The following CRACDL variants were observed in gnomAD, a reference collection of about 807,000 sequenced individuals.
CRACDL encodes CRACD like.
Under a neutral mutation model 70.6 loss-of-function variants are expected in CRACDL, and 26 were observed. The ratio of observed to expected loss-of-function variants is 0.37; its 90% CI spans 0.27 to 0.51. The LOEUF is 0.51. Among genes scored for constraint, CRACDL ranks in the 20% least tolerant of loss-of-function variants. CRACDL has a pLI of 0.94. For missense variants in CRACDL, 1,283 were observed against 1,376.9 expected, an observed-to-expected ratio of 0.93 and a Z score of 1.08; for synonymous variants, 618 against 615.2, an observed-to-expected ratio of 1.00 and a Z score of -0.07.
chr2:98,833,067 A>C, intron 3 of CRACDL, 70 bp from the exon 4 acceptor site: 2 of 1,433,134 alleles, frequency 1.4e-6, no homozygotes, highest in Non-Finnish European at 1.9e-6. Flanking sequence ...GCTCAGAATG[A>C]GAAAGAGGGA....
At chr2:98,923,776 T>C (rs1293276761) in intron 1 of CRACDL, among the ~76,000 whole-genome samples, 1 of 152,242 alleles carries the variant, frequency 6.6e-6, no homozygotes, top group Non-Finnish European at 1.5e-5. Context: ...TGTGAAAACA[T>C]AGTTACTGTC....
intron 1 of CRACDL, among the ~76,000 whole-genome samples, chr2:98,931,829 G>A (rs2104710730): frequency 6.6e-6 from 1 of 152,276 alleles, no homozygotes; most frequent in South Asian, 2.1e-4. Context: ...TACATCACAT[G>A]CCTGTCTTAT....
At chr2:98,933,994 C>A (rs1190382386) in intron 1 of CRACDL, among the ~76,000 whole-genome samples, 1 of 152,080 alleles carries the variant, frequency 6.6e-6, no homozygotes, top group Admixed American at 6.5e-5. Flanking sequence ...AAGGGACGAG[C>A]GAGCTCCTTG....
chr2:98,898,296 A>G (rs1417398568), intron 1 of CRACDL, among the ~76,000 whole-genome samples: 3 of 152,272 alleles, frequency 2.0e-5, no homozygotes, highest in Non-Finnish European at 2.9e-5. Flanking sequence ...TTGGTATGCA[A>G]TGTGGGGGCC....
intron 3 of CRACDL, among the ~76,000 whole-genome samples, chr2:98,837,207 A>G (rs1208297017): frequency 1.3e-4 from 5 of 37,126 alleles, no homozygotes; most frequent in East Asian, 1.3e-3. Context: ...CCCAAAACTG[A>G]AAAAAAAAAA....
At position 98,823,811 on chromosome 2, in the gene CRACDL, C is replaced by T. The variant is rs1422638881; in HGVS notation, c.736-274G>A. On this transcript the variant is annotated intron_variant, in intron 6 of 9. Transcript: ENST00000397899. The surrounding 1 kb of genome is among the most constrained non-coding windows in gnomAD (Gnocchi z 4.0). ...CCTCAAAACCAGTGGACTAGAGTAACGCCAAGGGAAGGCGACCAACAGCAG... is the reference window on the plus strand; with the variant it reads ...CCTCAAAACCAGTGGACTAGAGTAATGCCAAGGGAAGGCGACCAACAGCAG... Among the ~76,000 whole-genome samples, 1 of 152,212 alleles carries T rather than the reference C, an allele frequency of 6.6e-6. No homozygotes were observed. The highest frequency in any genetic ancestry group is 1.5e-5 in the Non-Finnish European group (1 of 68,042).
intron 1 of CRACDL, among the ~76,000 whole-genome samples, chr2:98,912,531 C>T (rs114053888): frequency 3.3e-3 from 508 of 152,352 alleles, no homozygotes; most frequent in African/African-American, 0.012. Context: ...CATCTATGAT[C>T]GGGCTTGTGC....
At chr2:98,810,667 C>T (rs1460227030) in intron 7 of CRACDL, among the ~76,000 whole-genome samples, 1 of 152,110 alleles carries the variant, frequency 6.6e-6, no homozygotes, top group Non-Finnish European at 1.5e-5. Context: ...GAAATAGTCT[C>T]TATTCTGCTG....
At chr2:98,904,875 C>T (rs1167962246) in intron 1 of CRACDL, among the ~76,000 whole-genome samples, 6 of 152,182 alleles carry the variant, frequency 3.9e-5, no homozygotes, top group African/African-American at 1.2e-4. Context: ...GGAAGCACTC[C>T]GGTCGCGGGG....
chr2:98,822,078 G>A lies in CRACDL; in HGVS notation c.2195C>T (p.Thr732Met), dbSNP rs748686808. 5.8e-6 allele frequency: 9 copies of A among 1,554,670 alleles called. No homozygotes were observed. The East Asian group carries it at 9.7e-5, about 17-fold the overall frequency. Residue 732 changes from threonine to methionine, a missense_variant, in exon 7 of 10, where the codon ACG (threonine) becomes ATG (methionine). Coordinates refer to ENST00000397899, the MANE Select transcript of CRACDL (RefSeq NM_207362.3). The surrounding 1 kb of genome is among the most constrained non-coding windows in gnomAD (Gnocchi z 4.9). ...CCTGGTGCCTCGAAGGGCGGGGGCC[G>A]TCCCGAGGGGACACTTCTCCTCCTT... is the stretch of plus-strand genomic sequence containing the variant. Reference protein sequence around the residue: ...LPKEEKCPLGTAPALRGTRAP... With the variant: ...LPKEEKCPLGMAPALRGTRAP...
chr2:98,828,611 C>T (rs577030349), intron 5 of CRACDL, among the ~76,000 whole-genome samples: 2 of 152,210 alleles, frequency 1.3e-5, no homozygotes, highest in East Asian at 1.9e-4. Flanking sequence ...GGCTTCGATA[C>T]GGGAGGAACA....
chr2:98,805,800 C>G (rs1704266486), intron 7 of CRACDL, among the ~76,000 whole-genome samples: 1 of 152,218 alleles, frequency 6.6e-6, no homozygotes, highest in African/African-American at 2.4e-5. Context: ...AAGGGCTCCT[C>G]AGCCGGCTCT....
intron 1 of CRACDL, among the ~76,000 whole-genome samples, chr2:98,852,268 T>C (rs965063155): frequency 6.6e-6 from 1 of 152,164 alleles, no homozygotes; most frequent in Non-Finnish European, 1.5e-5. Flanking sequence ...AGGCAGAAGA[T>C]AACAGCTGGG....
rs529172655 is a variant in CRACDL at position 98,889,727 on chromosome 2, A to G, written c.-10-42917T>C. On this transcript the variant is annotated intron_variant, in intron 1 of 9. Coordinates refer to ENST00000397899, the MANE Select transcript of CRACDL (RefSeq NM_207362.3). ...GAATTCACATTCTTCTCAAAGGCAC[A>G]TGGAACATTATCCAGGATAGACCAT... 3.9e-5 allele frequency among the ~76,000 whole-genome samples: 6 copies of G among 152,352 alleles called. No individual in the cohort carries two copies. The East Asian group carries it at 1.2e-3, about 29-fold the overall frequency.
intron 1 of CRACDL, among the ~76,000 whole-genome samples, chr2:98,921,201 G>A (rs369865092): frequency 1.3e-5 from 2 of 152,278 alleles, no homozygotes; most frequent in East Asian, 3.9e-4. Context: ...TAAGTTCTCA[G>A]CCCCAGTCAC....
intron 9 of CRACDL, among the ~76,000 whole-genome samples, chr2:98,795,612 T>C (rs1575311714): frequency 6.6e-6 from 1 of 152,158 alleles, no homozygotes; most frequent in Non-Finnish European, 1.5e-5. Context: ...AGGGAAATAT[T>C]GTAAAATTAG....
chr2:98,866,472 C>CTTTTTTTTTTTTTTTTTTTTTT (rs869154325), intron 1 of CRACDL, among the ~76,000 whole-genome samples: 1 of 107,812 alleles, frequency 9.3e-6, no homozygotes, highest in Admixed American at 1.1e-4. Flanking sequence ...ACAATCACTT[C>CTTTTTTTTTTTTTTTTTTTTTT]TTCTTTTTTT....
chr2:98,841,187 T>A (rs1181001397), intron 2 of CRACDL, among the ~76,000 whole-genome samples: 1 of 152,172 alleles, frequency 6.6e-6, no homozygotes, highest in African/African-American at 2.4e-5. Flanking sequence ...ACCTTTATAG[T>A]TAAGATTCAT....
At chr2:98,907,019 C>T (rs570373830) in intron 1 of CRACDL, among the ~76,000 whole-genome samples, 2 of 152,304 alleles carry the variant, frequency 1.3e-5, no homozygotes, top group East Asian at 3.9e-4. Flanking sequence ...TGGCCAGGTG[C>T]AGTGGCTCAC....
Sources: allele counts gnomAD v4.1 joint callset (sites outside exome capture counted in the v4.1 genomes callset), GRCh38; gene constraint gnomAD v4.1.1; non-coding constraint Gnocchi (gnomAD v3.1); transcripts MANE v1.5; gene names NCBI Gene and HGNC (gene_info 2026-07-23, HGNC 2026-07-21).